The following TAP2 variants were observed in gnomAD, a reference collection of about 807,000 sequenced individuals.
The protein encoded by TAP2 is transporter 2, ATP binding cassette subfamily B member.
Under a neutral mutation model 74.7 loss-of-function variants are expected in TAP2, and 49 were observed. The observed-to-expected ratio is 0.66, with a 90% CI of 0.52 to 0.83. The LOEUF (loss-of-function observed/expected upper bound fraction) is 0.83, where lower values mean the gene tolerates loss of function less well. Ranked by LOEUF, TAP2 falls within the 40% of genes least tolerant of loss-of-function variation. The pLI is 0.00. For missense variants in TAP2, 739 were observed against 859.0 expected, an observed-to-expected ratio of 0.86 and a Z score of 1.75; for synonymous variants, 306 against 368.4, an observed-to-expected ratio of 0.83 and a Z score of 1.94.
Position 32,830,004 on chromosome 6 carries a change from T to A in TAP2, c.1721A>T (p.Asp574Val). Reference protein sequence around the residue: ...IAYGLQSCEDDKVMAAAQAAH... With the variant: ...IAYGLQSCEDVKVMAAAQAAH... ...AGCCTGGGCAGCCGCCATCACCTTA[T>A]CATCTTCGCAGCTCTGCAGCCCATA... The change falls in exon 10 of 12, where the codon GAT (aspartate) becomes GTT (valine). Residue 574 changes from aspartate to valine, a missense_variant. Transcript: ENST00000374897. 6.2e-7 allele frequency: 1 copy of A among 1,613,128 alleles called. No individual in the cohort carries two copies. Among genetic ancestry groups the A allele is most frequent in the Non-Finnish European group, 8.5e-7 (1 of 1,180,016 alleles).
At position 32,827,397 on chromosome 6, in the gene TAP2, G is replaced by A; in HGVS notation, c.*1509C>T. On this transcript the variant is annotated 3_prime_UTR_variant, in exon 12 of 12. Transcript: ENST00000374897. ...CCCTCGGCCAGGTAGCAGATATAAAGCTTAATAAGATATATGGCTTTCCGC... is the reference window on the plus strand; with the variant it reads ...CCCTCGGCCAGGTAGCAGATATAAAACTTAATAAGATATATGGCTTTCCGC... The A allele has an allele frequency of 1.1e-6, 1 of 934,994 alleles. No individual in the cohort carries two copies. Among genetic ancestry groups the A allele is most frequent in the Non-Finnish European group, 1.3e-6 (1 of 784,118 alleles). 57.9% of individuals were successfully genotyped at this position (934,994 alleles called of 1,614,324 possible). A position where few individuals can be genotyped will look rare whatever the true frequency, so the allele number is the denominator to read the frequency against.
In TAP2 at chr6:32,835,174, C is replaced by T; in HGVS notation, c.925G>A (p.Val309Met). ...CTCACCTGATGGCGGGTGTTGTACA[C>T]CTTCTCCGCTGCTATTGTGAAGGGC... ...HMPFTIAAEK[V>M]YNTRHQEVLR... is the part of the protein sequence containing the mutation. Residue 309 changes from valine to methionine, a missense_variant, in exon 5 of 12, where the codon GTG becomes ATG. Physicochemically the swap from Val to Met is conservative, Grantham distance 21 (BLOSUM62 1). Transcript: ENST00000374897. This position sits in a 1 kb window ranked among gnomAD's most constrained non-coding sequence, Gnocchi z 4.0. The T allele has an allele frequency of 6.2e-7, 1 of 1,612,830 alleles. No homozygotes were observed.
chr6:32,835,744 C>G lies in TAP2; in HGVS notation c.638G>C (p.Cys213Ser). 1 of 1,613,090 alleles carries G rather than the reference C, an allele frequency of 6.2e-7. No homozygotes were observed. Among genetic ancestry groups the G allele is most frequent in the Non-Finnish European group, 8.5e-7 (1 of 1,180,040 alleles). Residue 213 changes from cysteine (C) to serine (S), a missense_variant, in exon 4 of 12, where the codon TGC (cysteine) becomes TCC (serine). By Grantham distance (112) the Cys-to-Ser change is moderately radical (BLOSUM62 -1). Coordinates refer to ENST00000374897, the MANE Select transcript of TAP2 (RefSeq NM_001290043.2). This position sits in a 1 kb window ranked among gnomAD's most constrained non-coding sequence, Gnocchi z 4.0. The stretch of plus-strand genomic sequence containing the variant: ...GATTCGAGACATGGTGTAGGTGAAG[C>G]AGCCTCCTCGGCAGCCTGCAGACAG... Reference protein sequence around the residue: ...SSLSAGCRGGCFTYTMSRINL... With the variant: ...SSLSAGCRGGSFTYTMSRINL...
At chr6:32,825,133 CAT>C (rs28986262), downstream of TAP2, among the ~76,000 whole-genome samples, 10 of 130,494 alleles carry the variant, frequency 7.7e-5, no homozygotes, top group East Asian at 2.0e-4. Context: ...TGGTTATATA[CAT>C]ATATATATAT....
chr6:32,831,558 C>G (rs1292271154), intron 7 of TAP2, among the ~76,000 whole-genome samples: 1 of 152,222 alleles, frequency 6.6e-6, no homozygotes, highest in African/African-American at 2.4e-5. Context: ...AAAAACCCCT[C>G]AATCTCACAA....
chr6:32,824,544 T>A (rs1273174242), downstream of TAP2, among the ~76,000 whole-genome samples: 2 of 152,166 alleles, frequency 1.3e-5, no homozygotes, highest in South Asian at 2.1e-4. Context: ...CTATTTACAT[T>A]CGTTTCTGTT....
At chr6:32,823,265 A>G (rs559946453), downstream of TAP2, among the ~76,000 whole-genome samples, 36 of 152,280 alleles carry the variant, frequency 2.4e-4, 1 homozygote, top group South Asian at 7.5e-3. Flanking sequence ...AAAGGGAATT[A>G]AAGTGTTCTA....
At position 32,837,993 on chromosome 6, in the gene TAP2, C is replaced by T. The variant is rs780423070; in HGVS notation, c.241G>A (p.Ala81Thr). Residue 81 changes from alanine (A) to threonine (T), a missense_variant, in exon 2 of 12, where the codon GCC becomes ACC. Ala to Thr is a moderately conservative substitution (Grantham distance 58). Transcript: ENST00000374897. Reference protein sequence around the residue: ...LATPLTVSLRALVAGASRAPP... With the variant: ...LATPLTVSLRTLVAGASRAPP... ...GCACGTGAGGCCCCCGCGACCAGGG[C>T]TCTCAGGGAGACAGTCAGGGGGGTG... The T allele has an allele frequency of 6.2e-7, 1 of 1,612,626 alleles. No homozygotes were observed. The highest frequency in any genetic ancestry group is 1.1e-5 in the South Asian group (1 of 91,068).
chr6:32,832,636 G>A lies in TAP2; in HGVS notation c.1134C>T (p.Leu378=), dbSNP rs749951013. The change falls in exon 6 of 12, where the codon CTC becomes CTT. Residue 378 remains leucine, a synonymous_variant. Coordinates refer to ENST00000374897, the MANE Select transcript of TAP2 (RefSeq NM_001290043.2). The surrounding 1 kb of genome is among the most constrained non-coding windows in gnomAD (Gnocchi z 5.9). ...CACTCTGGTATCTTACCCTCCTTAC[G>A]AGCAGGTACAAGGCGCGTTCCAGGT... ...RRDLERALYL[L]VRRVLHLGVQ... 2.5e-6 allele frequency: 4 copies of A among 1,612,854 alleles called. No homozygotes were observed. The highest frequency in any genetic ancestry group is 2.7e-5 in the African/African-American group (2 of 74,940).
rs534741260 is a variant in TAP2, at chr6:32,825,426, A to G, written c.*3480T>C. The G allele has an allele frequency of 6.6e-6, 1 of 152,336 alleles. No individual in the cohort carries two copies. The highest frequency in any genetic ancestry group is 2.1e-4 in the South Asian group (1 of 4,828). 9.4% of individuals were successfully genotyped at this position (152,336 alleles called of 1,614,324 possible). On this transcript the variant is annotated 3_prime_UTR_variant, in exon 12 of 12. Coordinates refer to ENST00000374897, the MANE Select transcript of TAP2 (RefSeq NM_001290043.2). ...GAACTTCCATAAAATAGAATACTACATAGCCATATATTTTTAATTTAAAAA... is the reference window on the plus strand; with the variant it reads ...GAACTTCCATAAAATAGAATACTACGTAGCCATATATTTTTAATTTAAAAA...
chr6:32,834,685 G>C (rs62397688), intron 5 of TAP2, among the ~76,000 whole-genome samples: 1 of 152,140 alleles, frequency 6.6e-6, no homozygotes, highest in Non-Finnish European at 1.5e-5. Flanking sequence ...GAGAAAAAGA[G>C]AAGGTGGAGC....
Position 32,837,619 on chromosome 6 carries a change from C to G in TAP2, c.526G>C (p.Val176Leu), listed in dbSNP as rs766784436. 1.7e-5 allele frequency: 28 copies of G among 1,614,030 alleles called. No individual in the cohort carries two copies. The highest frequency in any genetic ancestry group is 2.3e-5 in the Non-Finnish European group (27 of 1,180,012). The change falls in exon 3 of 12, where the codon GTG becomes CTG. Residue 176 changes from valine (V) to leucine (L), a missense_variant. Coordinates refer to ENST00000374897, the MANE Select transcript of TAP2 (RefSeq NM_001290043.2). ...ETLIPHYSGR[V>L]IDILGGDFDP... ...AAATCACCTCCCAGGATGTCAATCA[C>G]ACGACCAGAATAGTGAGGGATTAAT...
intron 3 of TAP2, 39 bp downstream of exon 3, chr6:32,837,498 T>A (rs1769490755): frequency 1.3e-6 from 2 of 1,567,632 alleles, no homozygotes; most frequent in Non-Finnish European, 8.8e-7. Flanking sequence ...CCTATAAAGA[T>A]TTGGGGCTAG....
Position 32,832,567 on chromosome 6 carries a change from TC to T in TAP2, c.1143+59del. 1 of 1,612,720 alleles carries T rather than the reference TC, an allele frequency of 6.2e-7. No individual in the cohort carries two copies. Among genetic ancestry groups the T allele is most frequent in the Non-Finnish European group, 8.5e-7 (1 of 1,179,830 alleles). On this transcript the variant is annotated intron_variant, in intron 6 of 11. Transcript: ENST00000374897. This position sits in a 1 kb window ranked among gnomAD's most constrained non-coding sequence, Gnocchi z 5.9. The stretch of plus-strand genomic sequence containing the variant: ...AAGGCCTCTAGAACCAGCTGTAGTT[TC>T]CTCTTCCCTTGCCCTCCCCCTTTCC...
In TAP2 at chr6:32,832,082, T is replaced by C. The variant is rs568455998; in HGVS notation, c.1272+251A>G. 6.6e-6 allele frequency among the ~76,000 whole-genome samples: 1 copy of C among 152,240 alleles called. No homozygotes were observed. The highest frequency in any genetic ancestry group is 6.5e-5 in the Admixed American group (1 of 15,286). Reference sequence around the variant, plus strand: ...TCAGAATAATATGGGTGGGGGGAAGTGGCTGGGGATACAGATCCAACAAGA... The same window carrying C: ...TCAGAATAATATGGGTGGGGGGAAGCGGCTGGGGATACAGATCCAACAAGA... On this transcript the variant is annotated intron_variant, in intron 7 of 11. Transcript: ENST00000374897. This position sits in a 1 kb window ranked among gnomAD's most constrained non-coding sequence, Gnocchi z 5.9.
chr6:32,828,813 C>T lies in TAP2; in HGVS notation c.*93G>A. The T allele has an allele frequency of 6.8e-7, 1 of 1,476,364 alleles. No homozygotes were observed. 91.5% of individuals were successfully genotyped at this position (1,476,364 alleles called of 1,614,324 possible). On this transcript the variant is annotated 3_prime_UTR_variant, in exon 12 of 12. Transcript: ENST00000374897. ...CTCAAAGCAGGAACAGCTCTGGGTC[C>T]TGGAGACGCCCCTGAGAAGAGGGCC... is the stretch of plus-strand genomic sequence containing the variant.
intron 11 of TAP2, 127 bp from the exon 12 acceptor site, chr6:32,829,161 G>C (rs1768870594): frequency 6.7e-7 from 1 of 1,494,260 alleles, no homozygotes; most frequent in African/African-American, 1.4e-5. Context: ...AAGGGCAGTA[G>C]ATAAAGGCCT....
At position 32,830,398 on chromosome 6, in the gene TAP2, C is replaced by A; in HGVS notation, c.1504G>T (p.Val502Leu). 1 of 1,613,022 alleles carries A rather than the reference C, an allele frequency of 6.2e-7. No individual in the cohort carries two copies. Among genetic ancestry groups the A allele is most frequent in the Non-Finnish European group, 8.5e-7 (1 of 1,180,020 alleles). Residue 502 changes from valine (V) to leucine (L), a missense_variant, in exon 9 of 12, where the codon GTG becomes TTG. Val to Leu is a conservative substitution (Grantham distance 32, BLOSUM62 1). Coordinates refer to ENST00000374897, the MANE Select transcript of TAP2 (RefSeq NM_001290043.2). ...TLRPGEVTALVGPNGSGKSTV... is the reference protein window; with the variant it reads ...TLRPGEVTALLGPNGSGKSTV... Reference sequence around the variant, plus strand: ...CTCTTCCCAGACCCATTGGGTCCCACCAGCGCCGTCACCTCACCAGGACGT... The same window carrying A: ...CTCTTCCCAGACCCATTGGGTCCCAACAGCGCCGTCACCTCACCAGGACGT...
intron 3 of TAP2, 38 bp downstream of exon 3, chr6:32,837,499 T>G (rs766983894): frequency 3.8e-6 from 6 of 1,571,222 alleles, no homozygotes; most frequent in Middle Eastern, 1.7e-4. Flanking sequence ...CTATAAAGAT[T>G]TGGGGCTAGC....
Sources: allele counts gnomAD v4.1 joint callset (sites outside exome capture counted in the v4.1 genomes callset), GRCh38; gene constraint gnomAD v4.1.1; non-coding constraint Gnocchi (gnomAD v3.1); transcripts MANE v1.5; gene names NCBI Gene and HGNC (gene_info 2026-07-23, HGNC 2026-07-21).